FLRT1: variants seen among roughly 807,000 people sequenced by gnomAD.
The protein encoded by FLRT1 is leucine-rich repeat transmembrane protein FLRT1.
FLRT1 carries 14 observed loss-of-function variants against 30.9 expected under a neutral mutation model. That is an observed-to-expected ratio of 0.45 (90% CI 0.30 to 0.71). The LOEUF (loss-of-function observed/expected upper bound fraction) is 0.71. Ranked by LOEUF, FLRT1 falls within the 30% of genes least tolerant of loss-of-function variation. FLRT1 has a pLI of 0.08. For synonymous variants in FLRT1, 368 were observed against 430.4 expected (o/e 0.85, Z 1.80); for missense variants, 737 against 949.2 (o/e 0.78, Z 2.94).
chr11:64,107,012 T>C (rs1341079044), intron 2 of FLRT1, among the ~76,000 whole-genome samples: 1 of 152,170 alleles, frequency 6.6e-6, no homozygotes, highest in Non-Finnish European at 1.5e-5. Context: ...GCCTCCCAAG[T>C]AGCTGGGATT....
rs894948579 is a variant in FLRT1 at position 64,036,823 on chromosome 11, C to T, written c.-1038+664C>T. Among the ~76,000 whole-genome samples, 2 of 152,170 alleles carry T rather than the reference C, an allele frequency of 1.3e-5. No individual in the cohort carries two copies. The highest frequency in any genetic ancestry group is 2.9e-5 in the Non-Finnish European group (2 of 68,006). On this transcript the variant is annotated intron_variant, in intron 1 of 2. Transcript: ENST00000682287. This position sits in a 1 kb window ranked among gnomAD's most constrained non-coding sequence, Gnocchi z 5.6. Reference sequence around the variant, plus strand: ...GGGGGCGGCGGGCACCCCCCATCCCCCAGCTCTCAAGACAAGGAGGCGGCC... The same window carrying T: ...GGGGGCGGCGGGCACCCCCCATCCCTCAGCTCTCAAGACAAGGAGGCGGCC...
At chr11:64,075,677 G>A (rs995140634) in intron 1 of FLRT1, among the ~76,000 whole-genome samples, 3 of 152,204 alleles carry the variant, frequency 2.0e-5, no homozygotes, top group Non-Finnish European at 4.4e-5. Flanking sequence ...GGCTGCTGCT[G>A]CTTCTTTTTT....
At position 64,075,201 on chromosome 11, in the gene FLRT1, C is replaced by T. The variant is rs117375367; in HGVS notation, c.-1037-27993C>T. Among the ~76,000 whole-genome samples, 506 of 152,354 alleles carry T rather than the reference C, an allele frequency of 3.3e-3. 1 individual carries two copies. The highest frequency in any genetic ancestry group is 0.014 in the Middle Eastern group (4 of 294). On this transcript the variant is annotated intron_variant, in intron 1 of 2. Coordinates refer to ENST00000682287, the MANE Select transcript of FLRT1 (RefSeq NM_013280.5). ...GAGGGTCTGAGGCCATGAGCCTGGA[C>T]CATTCTGATCCACATGCCAGCTCCA...
intron 1 of FLRT1, among the ~76,000 whole-genome samples, chr11:64,053,573 C>G (rs1489163622): frequency 6.6e-6 from 1 of 152,072 alleles, no homozygotes; most frequent in Non-Finnish European, 1.5e-5. Flanking sequence ...CCACAGCACA[C>G]AAGGGCCAGA....
At chr11:64,063,837 A>G (rs915313954) in intron 1 of FLRT1, among the ~76,000 whole-genome samples, 16 of 152,230 alleles carry the variant, frequency 1.1e-4, no homozygotes, top group Non-Finnish European at 1.5e-4. Flanking sequence ...TAACAATGCA[A>G]TTAGCACAGA....
At chr11:64,043,462 G>A (rs1376525644) in intron 1 of FLRT1, among the ~76,000 whole-genome samples, 1 of 152,174 alleles carries the variant, frequency 6.6e-6, no homozygotes, top group Non-Finnish European at 1.5e-5. Context: ...TGTGACAAAA[G>A]GGCAAGTTGA....
Position 64,054,047 on chromosome 11 carries a change from C to T in FLRT1, c.-1038+17888C>T, listed in dbSNP as rs183966665. On this transcript the variant is annotated intron_variant, in intron 1 of 2. Transcript: ENST00000682287. Reference sequence around the variant, plus strand: ...TGGTTCAGAAAGCGAGGCCCTGGCCCTGGTGGCAGCAAGCAGCTGTCACCT... The same window carrying T: ...TGGTTCAGAAAGCGAGGCCCTGGCCTTGGTGGCAGCAAGCAGCTGTCACCT... 3.9e-5 allele frequency among the ~76,000 whole-genome samples: 6 copies of T among 152,310 alleles called. No homozygotes were observed. In the East Asian group the frequency reaches 1.2e-3, roughly 29 times the overall value.
chr11:64,055,647 C>T (rs1245487130), intron 1 of FLRT1, among the ~76,000 whole-genome samples: 1 of 152,162 alleles, frequency 6.6e-6, no homozygotes, highest in African/African-American at 2.4e-5. Context: ...TTCCCCGGGG[C>T]CTGCATGTTA....
chr11:64,077,868 CCT>C (rs1227640271), intron 1 of FLRT1, among the ~76,000 whole-genome samples: 5 of 152,216 alleles, frequency 3.3e-5, no homozygotes, highest in African/African-American at 9.6e-5. Context: ...CCCAGGGCCC[CCT>C]GATTGGTGGC....
In FLRT1 at chr11:64,102,745, C is replaced by T. The variant is rs570792355; in HGVS notation, c.-1037-449C>T. Among the ~76,000 whole-genome samples the T allele has an allele frequency of 5.4e-4, 82 of 152,292 alleles. 1 individual carries two copies. The South Asian group carries it at 0.016, about 30-fold the overall frequency. On this transcript the variant is annotated intron_variant, in intron 1 of 2. Transcript: ENST00000682287. ...AGGGAGAATAACCCCAGCCCCTTCC[C>T]CGGCTCATAGGCAAGTGGCATTAAG...
chr11:64,093,382 C>T (rs559914252), intron 1 of FLRT1, among the ~76,000 whole-genome samples: 2 of 152,354 alleles, frequency 1.3e-5, no homozygotes, highest in South Asian at 4.1e-4. Flanking sequence ...CAATTATACT[C>T]CCCGGTGGAG....
intron 1 of FLRT1, among the ~76,000 whole-genome samples, chr11:64,042,114 C>T (rs1296979410): frequency 5.3e-5 from 8 of 152,130 alleles, no homozygotes; most frequent in Non-Finnish European, 7.4e-5. Flanking sequence ...TGGGACCAGG[C>T]GGGAGGGGGA....
At chr11:64,089,089 T>C (rs1478409645) in intron 1 of FLRT1, among the ~76,000 whole-genome samples, 1 of 152,184 alleles carries the variant, frequency 6.6e-6, no homozygotes. Flanking sequence ...GGCCTGCTGC[T>C]GTGGCTCCTC....
chr11:64,062,828 G>A (rs1456826449), intron 1 of FLRT1, among the ~76,000 whole-genome samples: 2 of 152,166 alleles, frequency 1.3e-5, no homozygotes, highest in Admixed American at 6.5e-5. Context: ...TCACACAGCA[G>A]GGGCAGAACT....
chr11:64,102,086 A>G (rs1272231412), intron 1 of FLRT1, among the ~76,000 whole-genome samples: 1 of 152,190 alleles, frequency 6.6e-6, no homozygotes, highest in Non-Finnish European at 1.5e-5. Flanking sequence ...CAAATCAGCC[A>G]CCTTAGGCCC....
chr11:64,080,677 T>TCAACTGAGGTTGAGACA (rs1249549722), intron 1 of FLRT1, among the ~76,000 whole-genome samples: 1 of 152,026 alleles, frequency 6.6e-6, no homozygotes, highest in East Asian at 1.9e-4. Context: ...TACACAGACC[T>TCAACTGAGGTTGAGACA]CAACTACTGA....
rs745867021 is a variant in FLRT1 at position 64,118,290 on chromosome 11, T to C, written c.2023T>C (p.Ter675ArgextTer50). The C allele has an allele frequency of 1.3e-6, 2 of 1,556,704 alleles. No homozygotes were observed. The highest frequency in any genetic ancestry group is 1.2e-5 in the South Asian group (1 of 83,526). The part of the protein sequence containing the change: ...GIPDIDYSYT[*>R] ...CCCCGACATAGACTACTCCTACACA[T>C]GATGCCCGCCCACCCGGGCTGCCCC... The change falls in exon 3 of 3, where the codon TGA (stop) becomes CGA (arginine). Residue 675 changes from the stop codon to arginine (R), a stop_lost. Transcript: ENST00000682287.
chr11:64,045,203 G>A (rs1257224415), intron 1 of FLRT1, among the ~76,000 whole-genome samples: 1 of 151,976 alleles, frequency 6.6e-6, no homozygotes, highest in South Asian at 2.1e-4. Flanking sequence ...CTCGCTGCCC[G>A]CTGGTGCCCT....
chr11:64,051,425 T>C (rs1426785888), intron 1 of FLRT1, among the ~76,000 whole-genome samples: 2 of 152,154 alleles, frequency 1.3e-5, no homozygotes, highest in East Asian at 3.8e-4. Flanking sequence ...GTGACAGTGA[T>C]GGCGGACCCA....
Sources: gnomAD v4.1 joint callset for allele counts (sites outside exome capture counted in the v4.1 genomes callset) on GRCh38, gnomAD v4.1.1 for gene constraint, Gnocchi (gnomAD v3.1) non-coding constraint, MANE v1.5 for transcripts, NCBI Gene and HGNC (gene_info 2026-07-23, HGNC 2026-07-21) for gene names.